DHX16: variants seen among roughly 807,000 people sequenced by gnomAD.
DHX16 encodes DEAH-box helicase 16.
In DHX16, 81 loss-of-function variants were observed where a neutral mutation model predicts 131.2. That is an observed-to-expected ratio of 0.62 (90% CI 0.52 to 0.74). The LOEUF is 0.74. DHX16 is among the 30% of genes least tolerant of loss of function. The pLI is 0.00. For missense variants in DHX16, 980 were observed against 1,363.1 expected (o/e 0.72, Z 4.43); for synonymous variants, 440 against 520.2 (o/e 0.85, Z 2.10).
Position 30,662,889 on chromosome 6 carries a change from C to T in DHX16, c.1428+22G>A, listed in dbSNP as rs752504226. 3.7e-5 allele frequency: 59 copies of T among 1,608,256 alleles called. No homozygotes were observed. The highest frequency in any genetic ancestry group is 4.5e-5 in the Non-Finnish European group (53 of 1,176,436). Reference sequence around the variant, plus strand: ...GAGTCACAGACCCCAGACTCTACCCCCCGGTTCCCTAGAAATCTCACCTCA... The same window carrying T: ...GAGTCACAGACCCCAGACTCTACCCTCCGGTTCCCTAGAAATCTCACCTCA... On this transcript the variant is annotated intron_variant, in intron 8 of 19. Coordinates refer to ENST00000376442, the MANE Select transcript of DHX16 (RefSeq NM_003587.5). The surrounding 1 kb of genome is among the most constrained non-coding windows in gnomAD (Gnocchi z 4.7).
Position 30,655,222 on chromosome 6 carries a change from C to G in DHX16, c.2776G>C (p.Glu926Gln). 1 of 1,614,210 alleles carries G rather than the reference C, an allele frequency of 6.2e-7. No individual in the cohort carries two copies. The highest frequency in any genetic ancestry group is 8.5e-7 in the Non-Finnish European group (1 of 1,180,044). ...CCCTGGCAGGAACTGAGACCAACTT[C>G]CACACGTTCCAAGAGCCCTTCCAGC... ...EQLEGLLERV[E>Q]VGLSSCQGDY... The change falls in exon 18 of 20, where the codon GAA (glutamate) becomes CAA (glutamine). Residue 926 changes from glutamate to glutamine, a missense_variant. Transcript: ENST00000376442.
intron 1 of DHX16, among the ~76,000 whole-genome samples, chr6:30,671,733 T>G (rs1769576439): frequency 6.6e-6 from 1 of 152,018 alleles, no homozygotes; most frequent in African/African-American, 2.4e-5. Flanking sequence ...TGAATGGGGT[T>G]TTTTATTTTT....
At chr6:30,672,000 G>C (rs1434929791) in intron 1 of DHX16, among the ~76,000 whole-genome samples, 2 of 151,584 alleles carry the variant, frequency 1.3e-5, no homozygotes. Flanking sequence ...TTAATTAAAC[G>C]ACTGAAAGGA....
rs764580533 is a variant in DHX16 at position 30,671,077 on chromosome 6, T to C, written c.405A>G (p.Glu135=). Residue 135 remains glutamate, a synonymous_variant, in exon 2 of 20, where the codon GAA becomes GAG. Coordinates refer to ENST00000376442, the MANE Select transcript of DHX16 (RefSeq NM_003587.5). The stretch of plus-strand genomic sequence containing the variant: ...CTTTCTCAGAAGCCTCTTCCTCCTC[T>C]TCTTCCTCACGCTTCTTCCTGAGGT... ...RKHLRKKREE[E]EEEEASEKGK... The C allele has an allele frequency of 6.2e-7, 1 of 1,613,116 alleles. No individual in the cohort carries two copies. Among genetic ancestry groups the C allele is most frequent in the East Asian group, 2.2e-5 (1 of 44,888 alleles).
chr6:30,656,093 A>G lies in DHX16; in HGVS notation c.2498+105T>C. 1.8e-6 allele frequency: 2 copies of G among 1,106,432 alleles called. No homozygotes were observed. Among genetic ancestry groups the G allele is most frequent in the Non-Finnish European group, 2.7e-6 (2 of 734,944 alleles). 68.5% of individuals were successfully genotyped at this position (1,106,432 alleles called of 1,614,324 possible). On this transcript the variant is annotated intron_variant, in intron 16 of 19. Transcript: ENST00000376442. The surrounding 1 kb of genome is among the most constrained non-coding windows in gnomAD (Gnocchi z 5.1). ...TTATCTAATACTTTATTATGTGTTA[A>G]GGGATAGTATGATGAACAGAAAAAG...
At position 30,656,927 on chromosome 6, in the gene DHX16, C is replaced by T. The variant is rs374502011; in HGVS notation, c.2148+25G>A. On this transcript the variant is annotated intron_variant, in intron 13 of 19. Transcript: ENST00000376442. The surrounding 1 kb of genome is among the most constrained non-coding windows in gnomAD (Gnocchi z 5.1). The stretch of plus-strand genomic sequence containing the variant: ...CTCTGTGGGCCAACTCCACCTCCCC[C>T]ACTCCCATGCATCCCCAGGCTGACC... The T allele has an allele frequency of 1.9e-6, 3 of 1,605,074 alleles. No homozygotes were observed. Among genetic ancestry groups the T allele is most frequent in the Admixed American group, 1.7e-5 (1 of 59,620 alleles).
chr6:30,663,935 G>A (rs577880377), intron 7 of DHX16, among the ~76,000 whole-genome samples: 1 of 151,838 alleles, frequency 6.6e-6, no homozygotes, highest in African/African-American at 2.4e-5. Context: ...TGAGGCAGGA[G>A]AATCACTTGA....
chr6:30,664,684 A>C (rs776917396), intron 7 of DHX16, 117 bp downstream of exon 7: 1 of 924,958 alleles, frequency 1.1e-6, no homozygotes, highest in African/African-American at 1.7e-5. Flanking sequence ...GAATTTCACA[A>C]TTTAGTGGAA....
At chr6:30,671,880 G>C (rs1769592054) in intron 1 of DHX16, among the ~76,000 whole-genome samples, 1 of 147,628 alleles carries the variant, frequency 6.8e-6, no homozygotes, top group Non-Finnish European at 1.5e-5. Flanking sequence ...CGAAGGTTTC[G>C]CCATGTTGCC....
chr6:30,667,409 CA>C, intron 4 of DHX16, among the ~76,000 whole-genome samples: 1 of 151,976 alleles, frequency 6.6e-6, no homozygotes, highest in Non-Finnish European at 1.5e-5. Flanking sequence ...GGTGAGACCC[CA>C]TCTCTACTAA....
chr6:30,665,579 C>A lies in DHX16; in HGVS notation c.821G>T (p.Arg274Leu). Residue 274 changes from arginine (R) to leucine (L), a missense_variant, in exon 5 of 20, where the codon CGG becomes CTG. Coordinates refer to ENST00000376442, the MANE Select transcript of DHX16 (RefSeq NM_003587.5). The surrounding 1 kb of genome is among the most constrained non-coding windows in gnomAD (Gnocchi z 4.8). ...RHERQELKYK[R>L]RVRDLAREYR... ...CTCCCGGGCGAGATCCCGCACTCGC[C>A]GCTTATATTTGAGCTCCTGCCGCTC... is the stretch of plus-strand genomic sequence containing the variant. The A allele has an allele frequency of 6.2e-7, 1 of 1,613,028 alleles. No homozygotes were observed. The highest frequency in any genetic ancestry group is 1.1e-5 in the South Asian group (1 of 91,084).
At position 30,664,916 on chromosome 6, in the gene DHX16, A is replaced by G. The variant is rs1364922470; in HGVS notation, c.1202T>C (p.Val401Ala). The G allele has an allele frequency of 6.2e-7, 1 of 1,613,720 alleles. No individual in the cohort carries two copies. The highest frequency in any genetic ancestry group is 8.5e-7 in the Non-Finnish European group (1 of 1,180,008). ...SIQAVRRSLP[V>A]FPFREELLAA... ...CAGGAGCTCCTCTCGAAATGGGAAC[A>G]CCGGGAGGCTGCGGCGGACGGCCTG... The change falls in exon 7 of 20, where the codon GTG becomes GCG. Residue 401 changes from valine (V) to alanine (A), a missense_variant. By Grantham distance (64) the Val-to-Ala change is moderately conservative. Coordinates refer to ENST00000376442, the MANE Select transcript of DHX16 (RefSeq NM_003587.5).
intron 7 of DHX16, among the ~76,000 whole-genome samples, chr6:30,664,477 CAA>C (rs10627470): frequency 1.7e-4 from 13 of 75,618 alleles, no homozygotes; most frequent in Admixed American, 4.5e-4. Flanking sequence ...ACTCCGTCTC[CAA>C]AAAAAAAAAA....
chr6:30,666,606 G>A (rs1360843528), intron 4 of DHX16, among the ~76,000 whole-genome samples: 3 of 152,144 alleles, frequency 2.0e-5, no homozygotes, highest in African/African-American at 7.2e-5. Context: ...TCAGGAGTTA[G>A]AGACCAGCCT....
chr6:30,669,744 TA>T (rs953317689), intron 4 of DHX16, among the ~76,000 whole-genome samples: 20,989 of 113,798 alleles, frequency 0.18, 1,805 homozygotes, highest in South Asian at 0.28. Context: ...AAAAAAGGTT[TA>T]AAAAAAAAAA....
chr6:30,659,499 G>C lies in DHX16; in HGVS notation c.1980C>G (p.Phe660Leu). 1 of 1,601,656 alleles carries C rather than the reference G, an allele frequency of 6.2e-7. No homozygotes were observed. Among genetic ancestry groups the C allele is most frequent in the Non-Finnish European group, 8.5e-7 (1 of 1,174,552 alleles). Residue 660 changes from phenylalanine (F) to leucine (L), a missense_variant, in exon 12 of 20, where the codon TTC (phenylalanine) becomes TTG (leucine). This residue lies in a region of DHX16 where 309 missense variants were observed against 537.1 expected (regional missense o/e 0.58). Transcript: ENST00000376442. ...TTCGTGCCCCAGGTGGTGTGGGCTG[G>C]AAGATACGGGCCTGCATGTCAGAGG... The part of the protein sequence containing the change: ...NLPSDMQARI[F>L]QPTPPGARKV...
intron 9 of DHX16, chr6:30,660,560 C>G: frequency 3.2e-6 from 1 of 311,860 alleles, no homozygotes; most frequent in Non-Finnish European, 5.8e-6. Context: ...GACTCAGCAG[C>G]TGCTCTTACT....
chr6:30,655,180 G>T lies in DHX16; in HGVS notation c.2818C>A (p.Arg940Ser). The change falls in exon 18 of 20, where the codon CGC becomes AGC. Residue 940 changes from arginine to serine, a missense_variant. This residue lies in a region of DHX16 where 214 missense variants were observed against 271.2 expected (regional missense o/e 0.79). Transcript: ENST00000376442. ...GAGGCTGAAGAAATGCTGACCTTGC[G>T]TACACGGATATAGTCCCCCTGGCAG... ...SSCQGDYIRV[R>S]KAITAGYFYH... 1.2e-6 allele frequency: 2 copies of T among 1,614,142 alleles called. No homozygotes were observed. The highest frequency in any genetic ancestry group is 1.7e-6 in the Non-Finnish European group (2 of 1,180,028).
Position 30,670,874 on chromosome 6 carries a change from C to T in DHX16, c.525G>A (p.Leu175=), listed in dbSNP as rs768479762. The T allele has an allele frequency of 2.5e-6, 4 of 1,612,966 alleles. No individual in the cohort carries two copies. The highest frequency in any genetic ancestry group is 2.5e-6 in the Non-Finnish European group (3 of 1,180,032). ...GCTCAGCAAAGGCATCACGCTCCTC[C>T]AGGTCCTGAAGGCGTTCACGCTCTG... ...ERTERERLQD[L]EERDAFAERV... Residue 175 remains leucine (L), a synonymous_variant, in exon 3 of 20, where the codon CTG becomes CTA. Transcript: ENST00000376442. The surrounding 1 kb of genome is among the most constrained non-coding windows in gnomAD (Gnocchi z 4.4).
Sources: gnomAD v4.1 joint callset for allele counts (sites outside exome capture counted in the v4.1 genomes callset) on GRCh38, gnomAD v4.1.1 for gene constraint, gnomAD v4.1.1 regional missense constraint, Gnocchi (gnomAD v3.1) non-coding constraint, MANE v1.5 for transcripts, NCBI Gene and HGNC (gene_info 2026-07-23, HGNC 2026-07-21) for gene names.